IGSF1: variants seen among roughly 807,000 people sequenced by gnomAD.
The protein encoded by IGSF1 is immunoglobulin superfamily member 1.
Under a neutral mutation model 95.3 loss-of-function variants are expected in IGSF1, and 40 were observed. The observed-to-expected ratio is 0.42, with a 90% CI of 0.33 to 0.55. IGSF1 has a LOEUF of 0.55. IGSF1 is among the 20% of genes least tolerant of loss of function. The pLI is 0.10. For missense variants in IGSF1, 906 were observed against 1,025.4 expected (o/e 0.88, Z 1.59); for synonymous variants, 372 against 382.9 (o/e 0.97, Z 0.33).
At chrX:131,276,791 A>G in intron 14 of IGSF1, 148 bp downstream of exon 14, 1 of 518,131 alleles carries the variant, frequency 1.9e-6, no homozygotes, top group East Asian at 3.4e-5. Flanking sequence ...GCAGCTGTGC[A>G]TCATGGACTG....
At position 131,273,838 on chromosome X, in the gene IGSF1, T is replaced by G; in HGVS notation, c.3969A>C (p.Ser1323=). The G allele has an allele frequency of 8.3e-7, 1 of 1,209,827 alleles. No homozygotes were observed. Among genetic ancestry groups the G allele is most frequent in the Non-Finnish European group, 1.1e-6 (1 of 893,953 alleles). Residue 1323 remains serine, a synonymous_variant, in exon 20 of 20, where the codon TCA becomes TCC. Transcript: ENST00000361420. ...EPGTPANSPS[S]TSQRISVELP... is the part of the protein sequence containing the mutation. ...GTTCCACAGAGATTCTCTGAGAGGT[T>G]GATGAAGGAGAATTGGCAGGGGTGC... is the stretch of plus-strand genomic sequence containing the variant.
In IGSF1 at chrX:131,276,195, C is replaced by G; in HGVS notation, c.2662G>C (p.Gly888Arg). The G allele has an allele frequency of 2.5e-6, 3 of 1,210,207 alleles. No homozygotes were observed. Among genetic ancestry groups the G allele is most frequent in the Non-Finnish European group, 3.4e-6 (3 of 894,962 alleles). Residue 888 changes from glycine to arginine, a missense_variant, in exon 15 of 20, where the codon GGG becomes CGG. By Grantham distance (125) the Gly-to-Arg change is moderately radical. Around this residue, in one of 5 missense-constraint regions of IGSF1, gnomAD observed 411 missense variants for 494.9 expected, o/e 0.83. Transcript: ENST00000361420. ...LAQPGPVVFP[G>R]KSVILRCQGT... is the part of the protein sequence containing the mutation. ...TGGCAGCGCAGGATCACACTCTTCC[C>G]AGGAAACACCACAGGACCTGGCTGT...
chrX:131,288,087 T>C (rs1355560315), intron 1 of IGSF1, among the ~76,000 whole-genome samples: 1 of 111,643 alleles, frequency 9.0e-6, no homozygotes, highest in East Asian at 2.8e-4. Context: ...AGGGAACAAG[T>C]GGACAGTGAG....
Position 131,287,748 on chromosome X carries a change from G to A in IGSF1, c.-67-1007C>T, listed in dbSNP as rs113144881. 3.0e-3 allele frequency among the ~76,000 whole-genome samples: 335 copies of A among 111,155 alleles called. 1 individual carries two copies. The highest frequency in any genetic ancestry group is 0.01 in the African/African-American group (312 of 30,607). ...TACCATAGGCCTTGCATATACACAA[G>A]GTAGACTCTTGAGCTTTCATGCCTC... On this transcript the variant is annotated intron_variant, in intron 1 of 19. Coordinates refer to ENST00000361420, the MANE Select transcript of IGSF1 (RefSeq NM_001555.5).
intron 16 of IGSF1, 92 bp from the exon 17 acceptor site, chrX:131,275,378 G>C (rs1288963029): frequency 9.0e-7 from 1 of 1,107,363 alleles, no homozygotes; most frequent in African/African-American, 1.8e-5. Context: ...AAAGGCAATT[G>C]GTTGCCTCTC....
In IGSF1 at chrX:131,275,405, A is replaced by ACTAT. The variant is rs779484702; in HGVS notation, c.3184+69_3184+72dup. ...TTGCCTCTCCTCGAGCTCTCTGAAAACTATCTCCCATGAACTAGTCTATTC... is the reference window on the plus strand; with the variant it reads ...TTGCCTCTCCTCGAGCTCTCTGAAAACTATCTATCTCCCATGAACTAGTCTATTC... On this transcript the variant is annotated intron_variant, in intron 16 of 19. Coordinates refer to ENST00000361420, the MANE Select transcript of IGSF1 (RefSeq NM_001555.5). The ACTAT allele has an allele frequency of 7.0e-6, 8 of 1,142,875 alleles. No homozygotes were observed. The South Asian group carries it at 1.6e-4, about 22-fold the overall frequency. The allele number at this position is 1,142,875 out of a possible 1,213,427, so 94.2% of individuals were successfully genotyped here. A position where few individuals can be genotyped will look rare whatever the true frequency, so the allele number is the denominator to read the frequency against.
At chrX:131,284,727 T>C (rs1422422261) in intron 5 of IGSF1, 1 of 767,347 alleles carries the variant, frequency 1.3e-6, no homozygotes, top group African/African-American at 2.3e-5. Context: ...TTGTTTTTTT[T>C]TGTTTTTACT....
intron 1 of IGSF1, among the ~76,000 whole-genome samples, chrX:131,287,038 G>A (rs1007755641): frequency 2.2e-5 from 2 of 91,937 alleles, no homozygotes; most frequent in Non-Finnish European, 4.3e-5. Context: ...GAGGTGCAGA[G>A]TCACCTTTTC....
At chrX:131,282,881 T>C in intron 6 of IGSF1, 99 bp downstream of exon 6, 6 of 949,142 alleles carry the variant, frequency 6.3e-6, no homozygotes, top group Non-Finnish European at 8.8e-6. Context: ...CCTTCTCTAC[T>C]GTTAACCCTG....
chrX:131,285,044 C>T, intron 5 of IGSF1, 135 bp downstream of exon 5: 5 of 1,034,580 alleles, frequency 4.8e-6, no homozygotes, highest in Non-Finnish European at 6.3e-6. Flanking sequence ...AGTAAAACTT[C>T]AAACGACTGT....
At chrX:131,286,182 T>C in intron 3 of IGSF1, 134 bp from the exon 4 acceptor site, 1 of 597,976 alleles carries the variant, frequency 1.7e-6, no homozygotes, top group Non-Finnish European at 2.6e-6. Flanking sequence ...AGGAGTGTGC[T>C]CCTGTGGGGC....
intron 1 of IGSF1, 74 bp from the exon 2 acceptor site, chrX:131,286,815 C>G: frequency 2.2e-6 from 1 of 445,354 alleles, no homozygotes. Flanking sequence ...CTAAATTGCA[C>G]TTGACAACCC....
chrX:131,287,190 T>G (rs5977463), intron 1 of IGSF1, among the ~76,000 whole-genome samples: 26,050 of 99,882 alleles, frequency 0.26, 2,781 homozygotes, highest in South Asian at 0.4. Context: ...TATATATATA[T>G]AGAGAGAGAG....
At position 131,277,875 on chromosome X, in the gene IGSF1, C is replaced by T. The variant is rs767364150; in HGVS notation, c.2301G>A (p.Pro767=). 2.1e-5 allele frequency: 25 copies of T among 1,206,839 alleles called. No homozygotes were observed. Among genetic ancestry groups the T allele is most frequent in the East Asian group, 1.8e-4 (6 of 33,700 alleles). Residue 767 remains proline (P), a synonymous_variant, in exon 13 of 20, where the codon CCG becomes CCA. Coordinates refer to ENST00000361420, the MANE Select transcript of IGSF1 (RefSeq NM_001555.5). ...CTCTACCTTTTATGACAAGCTCCAG[C>T]GGCTCACTGGGCTCAGACCACTTGA... is the stretch of plus-strand genomic sequence containing the variant. ...RPFKWSEPSE[P]LELVIKEMYP... is the part of the protein sequence containing the mutation.
intron 14 of IGSF1, 30 bp downstream of exon 14, chrX:131,276,909 C>T (rs950977158): frequency 3.4e-6 from 4 of 1,190,588 alleles, no homozygotes; most frequent in Non-Finnish European, 4.5e-6. Flanking sequence ...AGGGTTGGCA[C>T]CACCTCTACC....
chrX:131,289,324 G>A (rs1353675637), upstream of IGSF1: 1 of 373,254 alleles, frequency 2.7e-6, no homozygotes, highest in Non-Finnish European at 5.2e-6. Context: ...TCGGCTCTGA[G>A]CCCCGCCTTC....
intron 18 of IGSF1, 28 bp from the exon 19 acceptor site, chrX:131,274,234 G>C (rs760193878): frequency 1.7e-6 from 2 of 1,209,333 alleles, no homozygotes. Flanking sequence ...GAGAAACCGA[G>C]GCCATGGAGA....
rs1011354169 is a variant in IGSF1 at position 131,288,450 on chromosome X, G to T, written c.-68+764C>A. On this transcript the variant is annotated intron_variant, in intron 1 of 19. Transcript: ENST00000361420. ...TTTGTTACCCTGGGGCTTTGGGCCAGGAGTTTTTGGGGGAAGCCAGGTTCC... is the reference window on the plus strand; with the variant it reads ...TTTGTTACCCTGGGGCTTTGGGCCATGAGTTTTTGGGGGAAGCCAGGTTCC... Among the ~76,000 whole-genome samples the T allele has an allele frequency of 4.5e-5, 5 of 110,873 alleles. No homozygotes were observed. In the South Asian group the frequency reaches 2.0e-3, roughly 43 times the overall value.
rs758987945 is a variant in IGSF1 at position 131,289,229 on chromosome X, G to A, written c.-83C>T. 2.7e-6 allele frequency: 1 copy of A among 373,185 alleles called. No individual in the cohort carries two copies. Among genetic ancestry groups the A allele is most frequent in the African/African-American group, 2.5e-5 (1 of 39,216 alleles). 30.8% of individuals were successfully genotyped at this position (373,185 alleles called of 1,213,427 possible). A position where few individuals can be genotyped will look rare whatever the true frequency, so the allele number is the denominator to read the frequency against. On this transcript the variant is annotated 5_prime_UTR_variant, in exon 1 of 20. Coordinates refer to ENST00000361420, the MANE Select transcript of IGSF1 (RefSeq NM_001555.5). The stretch of plus-strand genomic sequence containing the variant: ...AGGTACTTACGGTAGTTGAAGGCCC[G>A]CTCCGATGTTGGAGATTCTCCAGTG...
Sources: gnomAD v4.1 joint callset for allele counts (sites outside exome capture counted in the v4.1 genomes callset) on GRCh38, gnomAD v4.1.1 for gene constraint, gnomAD v4.1.1 regional missense constraint, MANE v1.5 for transcripts, NCBI Gene and HGNC (gene_info 2026-07-23, HGNC 2026-07-21) for gene names.